Variants in NUDCD3 observed in about 807,000 individuals in gnomAD.
NUDCD3 encodes the protein nudC domain-containing protein 3.
Under a neutral mutation model 39.7 loss-of-function variants are expected in NUDCD3, and 13 were observed. The observed-to-expected ratio is 0.33, with a 90% confidence interval of 0.21 to 0.52. The LOEUF is 0.52. NUDCD3 is among the 20% of genes least tolerant of loss of function. The probability of loss-of-function intolerance (pLI) is 0.96; values close to 1 mark genes in which losing one functional copy is unlikely to be tolerated. For missense variants in NUDCD3, 453 were observed against 458.1 expected, an observed-to-expected ratio of 0.99 and a Z score of 0.10; for synonymous variants, 175 against 172.4, an observed-to-expected ratio of 1.02 and a Z score of -0.12.
intron 2 of NUDCD3, among the ~76,000 whole-genome samples, chr7:44,464,012 G>A (rs112131002): frequency 4.6e-5 from 7 of 152,018 alleles, no homozygotes; most frequent in East Asian, 3.9e-4. Flanking sequence ...TTAGGAGTTC[G>A]AGACCAGCCT....
At chr7:44,478,957 G>A (rs928142254) in intron 2 of NUDCD3, among the ~76,000 whole-genome samples, 4 of 152,172 alleles carry the variant, frequency 2.6e-5, no homozygotes, top group Middle Eastern at 6.3e-3. Flanking sequence ...TAATTGACTC[G>A]CAGTTCAGCA....
In NUDCD3 at chr7:44,436,974, A is replaced by C. The variant is rs74563452; in HGVS notation, c.510-9271T>G. Among the ~76,000 whole-genome samples the C allele has an allele frequency of 1.1e-3, 161 of 152,024 alleles. No individual in the cohort carries two copies. In the East Asian group the frequency reaches 0.03, roughly 29 times the overall value. ...TACTCAGAACTCCTTCCTTCCTTAA[A>C]GTCTAAAAGAGAGTTACATCATTTT... On this transcript the variant is annotated intron_variant, in intron 2 of 5. Transcript: ENST00000355451.
intron 2 of NUDCD3, chr7:44,481,282 A>G (rs1800485710): frequency 6.6e-6 from 1 of 152,224 alleles, no homozygotes; most frequent in Non-Finnish European, 1.5e-5. Flanking sequence ...ACTGCAAGAA[A>G]TTGGCTTACA....
At chr7:44,452,822 A>G (rs1323727709) in intron 2 of NUDCD3, among the ~76,000 whole-genome samples, 1 of 152,216 alleles carries the variant, frequency 6.6e-6, no homozygotes, top group Non-Finnish European at 1.5e-5. Context: ...CAAAAGGTTG[A>G]TATCACTTGG....
At position 44,450,179 on chromosome 7, in the gene NUDCD3, A is replaced by ATT. The variant is rs374708841; in HGVS notation, c.510-22478_510-22477dup. Among the ~76,000 whole-genome samples, 27 of 144,340 alleles carry ATT rather than the reference A, an allele frequency of 1.9e-4. 1 individual carries two copies. The highest frequency in any genetic ancestry group is 8.8e-4 in the South Asian group (4 of 4,536). 94.7% of individuals were successfully genotyped at this position (144,340 alleles called of 152,430 possible). A position where few individuals can be genotyped will look rare whatever the true frequency, so the allele number is the denominator to read the frequency against. ...CACACTGAACCTATAAGAATGTCTAATTTTTTTTTTTTTTTTGACACAGAG... is the reference window on the plus strand; with the variant it reads ...CACACTGAACCTATAAGAATGTCTAATTTTTTTTTTTTTTTTTTGACACAGAG... On this transcript the variant is annotated intron_variant, in intron 2 of 5. Transcript: ENST00000355451.
At chr7:44,482,744 A>C (rs1005362646) in intron 2 of NUDCD3, among the ~76,000 whole-genome samples, 1 of 152,238 alleles carries the variant, frequency 6.6e-6, no homozygotes, top group Admixed American at 6.5e-5. Context: ...TTGAAAGAAA[A>C]AGAAAATGTA....
intron 4 of NUDCD3, among the ~76,000 whole-genome samples, chr7:44,400,102 CA>C (rs1382762804): frequency 6.6e-6 from 1 of 152,200 alleles, no homozygotes; most frequent in Non-Finnish European, 1.5e-5. Flanking sequence ...CCCCCGACTG[CA>C]GGAAGAAAGG....
chr7:44,426,150 T>C, intron 3 of NUDCD3: 1 of 985,446 alleles, frequency 1.0e-6, no homozygotes, highest in Non-Finnish European at 1.2e-6. Context: ...GTCTCACCCA[T>C]GACCTGATGT....
chr7:44,390,908 T>C (rs1218361002), intron 5 of NUDCD3, among the ~76,000 whole-genome samples: 1 of 152,222 alleles, frequency 6.6e-6, no homozygotes, highest in Non-Finnish European at 1.5e-5. Context: ...CAATACTACC[T>C]GAGGCTTCAA....
In NUDCD3 at chr7:44,380,254, C is replaced by G. The variant is rs1232418073; in HGVS notation, c.*5757G>C. On this transcript the variant is annotated 3_prime_UTR_variant, in exon 6 of 6. Coordinates refer to ENST00000355451, the MANE Select transcript of NUDCD3 (RefSeq NM_015332.4). ...TTGCCTGGCTGTCCCCTCCTTAGGC[C>G]TGTTGCCCCTTCCTCTCTAGACCCT... 6.6e-6 allele frequency: 1 copy of G among 152,670 alleles called. No individual in the cohort carries two copies. Among genetic ancestry groups the G allele is most frequent in the Admixed American group, 6.5e-5 (1 of 15,282 alleles). The allele number at this position is 152,670 out of a possible 1,614,324, so 9.5% of individuals were successfully genotyped here.
intron 2 of NUDCD3, among the ~76,000 whole-genome samples, chr7:44,434,798 G>GT (rs1241767727): frequency 1.3e-5 from 2 of 152,224 alleles, no homozygotes; most frequent in Non-Finnish European, 2.9e-5. Context: ...CAGCAACCAG[G>GT]TAACGGTGAC....
intron 4 of NUDCD3, among the ~76,000 whole-genome samples, chr7:44,394,135 T>C (rs1432573748): frequency 6.6e-6 from 1 of 152,116 alleles, no homozygotes; most frequent in African/African-American, 2.4e-5. Flanking sequence ...TTTCCAGAAC[T>C]GGGAAGAGCA....
chr7:44,454,880 G>A (rs947628253), intron 2 of NUDCD3, among the ~76,000 whole-genome samples: 11 of 151,982 alleles, frequency 7.2e-5, no homozygotes, highest in Non-Finnish European at 2.9e-5. Context: ...GCTGCAGTGA[G>A]CCAAGATCAT....
chr7:44,485,628 G>T (rs996247388), intron 1 of NUDCD3: 3 of 183,036 alleles, frequency 1.6e-5, no homozygotes, highest in Admixed American at 1.1e-4. Context: ...TACAACTGTG[G>T]GTTATAAAGG....
In NUDCD3 at chr7:44,379,858, G is replaced by C. The variant is rs928024571; in HGVS notation, c.*6153C>G. Reference sequence around the variant, plus strand: ...GCCCTGAGGATGACGTGTATTTGAGGGGGCAGGGTTCTCCAGTAGCAGGTG... The same window carrying C: ...GCCCTGAGGATGACGTGTATTTGAGCGGGCAGGGTTCTCCAGTAGCAGGTG... On this transcript the variant is annotated 3_prime_UTR_variant, in exon 6 of 6. Coordinates refer to ENST00000355451, the MANE Select transcript of NUDCD3 (RefSeq NM_015332.4). 6.6e-6 allele frequency: 1 copy of C among 152,442 alleles called. No individual in the cohort carries two copies. The highest frequency in any genetic ancestry group is 1.5e-5 in the Non-Finnish European group (1 of 68,276). 9.4% of individuals were successfully genotyped at this position (152,442 alleles called of 1,614,324 possible). A position where few individuals can be genotyped will look rare whatever the true frequency, so the allele number is the denominator to read the frequency against.
At chr7:44,459,795 C>T (rs866093787) in intron 2 of NUDCD3, among the ~76,000 whole-genome samples, 2 of 152,166 alleles carry the variant, frequency 1.3e-5, no homozygotes, top group Admixed American at 6.5e-5. Context: ...CTTTCTGTAA[C>T]TGAATTTAAT....
intron 2 of NUDCD3, among the ~76,000 whole-genome samples, chr7:44,454,365 T>C (rs1186104583): frequency 3.3e-5 from 5 of 151,810 alleles, no homozygotes; most frequent in Non-Finnish European, 7.4e-5. Context: ...AAATAAAAAC[T>C]CCCATGTCAA....
intron 3 of NUDCD3, among the ~76,000 whole-genome samples, chr7:44,411,597 T>G (rs938720624): frequency 6.6e-6 from 1 of 152,164 alleles, no homozygotes; most frequent in Non-Finnish European, 1.5e-5. Context: ...CCCAGTAGGA[T>G]AGCTACAATT....
chr7:44,406,937 A>T (rs1279259416), intron 3 of NUDCD3, among the ~76,000 whole-genome samples: 1 of 152,172 alleles, frequency 6.6e-6, no homozygotes, highest in Non-Finnish European at 1.5e-5. Context: ...GAGCAGGAGC[A>T]AGGCCAGGGG....
Sources: allele counts gnomAD v4.1 joint callset (sites outside exome capture counted in the v4.1 genomes callset), GRCh38; gene constraint gnomAD v4.1.1; transcripts MANE v1.5; gene names NCBI Gene and HGNC (gene_info 2026-07-23, HGNC 2026-07-21).